PHF2: variants seen among roughly 807,000 people sequenced by gnomAD.
PHF2 encodes the protein lysine-specific demethylase PHF2.
Under a neutral mutation model 120.5 loss-of-function variants are expected in PHF2, and 27 were observed. The observed-to-expected ratio is 0.22, with a 90% CI of 0.17 to 0.31. The LOEUF is 0.31. PHF2 is among the 10% of genes least tolerant of loss of function. The probability of loss-of-function intolerance (pLI) is 1.00; values close to 1 mark genes in which losing one functional copy is unlikely to be tolerated. For synonymous variants in PHF2, 568 were observed against 592.5 expected (o/e 0.96, Z 0.60); for missense variants, 1,024 against 1,434.8 (o/e 0.71, Z 4.63).
At chr9:93,655,639 C>G (rs1030829616) in intron 7 of PHF2, among the ~76,000 whole-genome samples, 1 of 152,250 alleles carries the variant, frequency 6.6e-6, no homozygotes, top group Admixed American at 6.5e-5. Context: ...GTTTCCCTGT[C>G]TGTGCAGGGC....
chr9:93,621,482 G>T (rs1477940506), intron 1 of PHF2, among the ~76,000 whole-genome samples: 3 of 152,240 alleles, frequency 2.0e-5, no homozygotes, highest in Non-Finnish European at 4.4e-5. Context: ...TGGCCCAGGG[G>T]TGGGTGGTGC....
intron 1 of PHF2, among the ~76,000 whole-genome samples, chr9:93,581,615 G>T (rs570435430): frequency 6.6e-6 from 1 of 152,282 alleles, no homozygotes; most frequent in Non-Finnish European, 1.5e-5. Context: ...AAGGAAGCAA[G>T]GAGCTTCATC....
chr9:93,649,075 G>A lies in PHF2; in HGVS notation c.465G>A (p.Pro155=), dbSNP rs144317233. The change falls in exon 5 of 22, where the codon CCG becomes CCA. Residue 155 remains proline, a synonymous_variant. Coordinates refer to ENST00000359246, the MANE Select transcript of PHF2 (RefSeq NM_005392.4). ...YVSDVENYVG[P]ERSVDVTDVT... is the part of the protein sequence containing the mutation. ...CTCCTCCCACCACCTCCCTAGGGCC[G>A]GAACGGAGTGTGGATGTGACAGATG... 6.7e-5 allele frequency: 104 copies of A among 1,551,152 alleles called. No homozygotes were observed. In the African/African-American group the frequency reaches 1.1e-3, roughly 17 times the overall value.
chr9:93,603,990 A>G (rs2131619273), intron 1 of PHF2, among the ~76,000 whole-genome samples: 1 of 152,380 alleles, frequency 6.6e-6, no homozygotes, highest in East Asian at 1.9e-4. Flanking sequence ...TGCTGGAGTC[A>G]GGAGACGGCA....
chr9:93,588,343 G>A (rs561733045), intron 1 of PHF2, among the ~76,000 whole-genome samples: 1 of 152,354 alleles, frequency 6.6e-6, no homozygotes, highest in East Asian at 1.9e-4. Context: ...AGCAGCTCCA[G>A]GTGAGCTCTG....
intron 1 of PHF2, among the ~76,000 whole-genome samples, chr9:93,589,989 G>C (rs1379687550): frequency 6.6e-6 from 1 of 152,224 alleles, no homozygotes; most frequent in Admixed American, 6.5e-5. Context: ...TTTCTCATCC[G>C]AGGCCACTGC....
chr9:93,663,159 T>C (rs1030991776), intron 13 of PHF2, 133 bp downstream of exon 13: 3 of 1,274,082 alleles, frequency 2.4e-6, no homozygotes, highest in Non-Finnish European at 3.3e-6. Context: ...TAGGTAGTGC[T>C]GTGGGGTGTG....
At chr9:93,614,085 G>A (rs1217667557) in intron 1 of PHF2, among the ~76,000 whole-genome samples, 1 of 152,238 alleles carries the variant, frequency 6.6e-6, no homozygotes, top group Non-Finnish European at 1.5e-5. Context: ...CAACGGGAGA[G>A]GCACAAGGTG....
intron 18 of PHF2, 60 bp from the exon 19 acceptor site, chr9:93,674,857 ACCCCCCCGCC>A (rs1826879161): frequency 9.1e-7 from 1 of 1,096,148 alleles, no homozygotes; most frequent in Non-Finnish European, 1.4e-6. Context: ...AGCCACCTGT[ACCCCCCCGCC>A]CTCCTCCGTG....
chr9:93,604,188 G>T (rs1482233153), intron 1 of PHF2, among the ~76,000 whole-genome samples: 5 of 152,196 alleles, frequency 3.3e-5, no homozygotes, highest in Non-Finnish European at 7.3e-5. Context: ...GGCCTGCAGG[G>T]CTGAGGTCTG....
At chr9:93,658,670 G>T (rs1418794831) in intron 10 of PHF2, among the ~76,000 whole-genome samples, 1 of 152,078 alleles carries the variant, frequency 6.6e-6, no homozygotes, top group African/African-American at 2.4e-5. Context: ...TGGGGGAGTG[G>T]CTGGCCCCAG....
rs146460851 is a variant in PHF2, at chr9:93,677,221, G to A, written c.3202+258G>A. On this transcript the variant is annotated intron_variant, in intron 21 of 21. Transcript: ENST00000359246. The surrounding 1 kb of genome is among the most constrained non-coding windows in gnomAD (Gnocchi z 4.4). ...CTGCCTGCACCCCTGCACCCCAGCC[G>A]TGGGGCCGGCCAGCTGTGGGGACTG... 1.3e-5 allele frequency among the ~76,000 whole-genome samples: 2 copies of A among 151,398 alleles called. No individual in the cohort carries two copies. Among genetic ancestry groups the A allele is most frequent in the Admixed American group, 6.6e-5 (1 of 15,188 alleles).
At position 93,665,261 on chromosome 9, in the gene PHF2, G is replaced by C. The variant is rs531230345; in HGVS notation, c.1938-425G>C. Among the ~76,000 whole-genome samples the C allele has an allele frequency of 3.9e-5, 6 of 152,348 alleles. No homozygotes were observed. In the East Asian group the frequency reaches 1.2e-3, roughly 29 times the overall value. On this transcript the variant is annotated intron_variant, in intron 14 of 21. Transcript: ENST00000359246. ...AATTCAGCATGTGCCAGGATTCCTA[G>C]GCAGGCCCGAGGCGGGGCTTAAGCT... is the stretch of plus-strand genomic sequence containing the variant.
At chr9:93,671,040 G>A in intron 17 of PHF2, 3 of 981,736 alleles carry the variant, frequency 3.1e-6, no homozygotes, top group Non-Finnish European at 3.6e-6. Flanking sequence ...TGCAGGTGTG[G>A]GGGTAGGTGC....
chr9:93,579,083 G>T (rs1862887595), intron 1 of PHF2, among the ~76,000 whole-genome samples: 1 of 152,202 alleles, frequency 6.6e-6, no homozygotes, highest in African/African-American at 2.4e-5. Flanking sequence ...GCCGTCAGGG[G>T]TTGGTGGTGT....
chr9:93,671,067 G>C (rs10821195), intron 17 of PHF2: 357,410 of 976,458 alleles, frequency 0.37, 66,435 homozygotes, highest in Non-Finnish European at 0.38. Context: ...AGATGCAGGT[G>C]GGGGTGCAGG....
chr9:93,593,693 TC>T (rs1465207826), intron 1 of PHF2, among the ~76,000 whole-genome samples: 1 of 152,238 alleles, frequency 6.6e-6, no homozygotes, highest in Non-Finnish European at 1.5e-5. Flanking sequence ...AATGACAGTG[TC>T]CTCTTGTAAA....
In PHF2 at chr9:93,679,048, G is replaced by C. The variant is rs985551822; in HGVS notation, c.*1372G>C. ...GCTCTTTGTTTTCCTTGTATGATGA[G>C]GGGATTGGGGGATACAGTTATTTTA... On this transcript the variant is annotated 3_prime_UTR_variant, in exon 22 of 22. Coordinates refer to ENST00000359246, the MANE Select transcript of PHF2 (RefSeq NM_005392.4). 3.0e-6 allele frequency: 1 copy of C among 337,342 alleles called. No individual in the cohort carries two copies. Among genetic ancestry groups the C allele is most frequent in the African/African-American group, 2.2e-5 (1 of 45,616 alleles). The allele number at this position is 337,342 out of a possible 1,614,324, so 20.9% of individuals were successfully genotyped here. A position where few individuals can be genotyped will look rare whatever the true frequency, so the allele number is the denominator to read the frequency against.
intron 1 of PHF2, among the ~76,000 whole-genome samples, chr9:93,585,820 A>G (rs570059651): frequency 1.3e-5 from 2 of 152,344 alleles, no homozygotes; most frequent in South Asian, 4.1e-4. Context: ...TATTCTGTGT[A>G]TGAATCTCCG....
Sources: allele counts gnomAD v4.1 joint callset (sites outside exome capture counted in the v4.1 genomes callset), GRCh38; gene constraint gnomAD v4.1.1; non-coding constraint Gnocchi (gnomAD v3.1); transcripts MANE v1.5; gene names NCBI Gene and HGNC (gene_info 2026-07-23, HGNC 2026-07-21).